ARRB1: variants seen among roughly 807,000 people sequenced by gnomAD.
ARRB1 encodes the protein arrestin beta 1.
In ARRB1, 21 loss-of-function variants were observed where a neutral mutation model predicts 56.8. The ratio of observed to expected loss-of-function variants is 0.37; its 90% CI spans 0.26 to 0.53. ARRB1 has a LOEUF of 0.53. Among genes scored for constraint, ARRB1 ranks in the 20% least tolerant of loss-of-function variants. The pLI is 0.88. For synonymous variants in ARRB1, 210 were observed against 218.6 expected (o/e 0.96, Z 0.35); for missense variants, 424 against 553.7 (o/e 0.77, Z 2.35).
intron 3 of ARRB1, among the ~76,000 whole-genome samples, chr11:75,284,969 T>A (rs933956975): frequency 3.3e-5 from 5 of 152,212 alleles, no homozygotes; most frequent in Non-Finnish European, 7.3e-5. Flanking sequence ...TAATGACCTC[T>A]GCAAGATCTG....
At chr11:75,276,736 T>TG in intron 10 of ARRB1, 103 bp downstream of exon 10, 1 of 1,138,566 alleles carries the variant, frequency 8.8e-7, no homozygotes, top group Non-Finnish European at 1.3e-6. Flanking sequence ...CCCAGCCCTC[T>TG]GCCAGGTGGA....
intron 1 of ARRB1, among the ~76,000 whole-genome samples, chr11:75,343,532 TAC>T (rs1947720642): frequency 6.6e-6 from 1 of 152,130 alleles, no homozygotes; most frequent in Non-Finnish European, 1.5e-5. Flanking sequence ...TGCTTTATCT[TAC>T]TTAATTTTAA....
chr11:75,317,027 C>T (rs1299876627), intron 1 of ARRB1, among the ~76,000 whole-genome samples: 1 of 152,186 alleles, frequency 6.6e-6, no homozygotes, highest in Non-Finnish European at 1.5e-5. Context: ...GATCGAGCTA[C>T]TACTGCCCTC....
At chr11:75,273,049 G>C in intron 11 of ARRB1, 71 bp from the exon 12 acceptor site, 16 of 1,368,564 alleles carry the variant, frequency 1.2e-5, no homozygotes, top group Non-Finnish European at 1.7e-5. Flanking sequence ...GGGTGGGTAT[G>C]CTGGGGGGCA....
At chr11:75,303,714 T>C (rs1591951272) in intron 1 of ARRB1, 1 of 455,650 alleles carries the variant, frequency 2.2e-6, no homozygotes, top group African/African-American at 2.0e-5. Flanking sequence ...AGTGGGAGGG[T>C]GGGAGGAGGT....
At chr11:75,307,324 G>C (rs1285282465) in intron 1 of ARRB1, among the ~76,000 whole-genome samples, 4 of 152,192 alleles carry the variant, frequency 2.6e-5, no homozygotes, top group Non-Finnish European at 5.9e-5. Context: ...CATCAGACAG[G>C]GGTCCTTCCT....
At chr11:75,302,021 A>G (rs1946916497) in intron 1 of ARRB1, among the ~76,000 whole-genome samples, 1 of 152,224 alleles carries the variant, frequency 6.6e-6, no homozygotes, top group African/African-American at 2.4e-5. Context: ...GTCTCACACC[A>G]GGGCCAGGAA....
At chr11:75,292,352 CT>C (rs1946631080) in intron 1 of ARRB1, among the ~76,000 whole-genome samples, 1 of 152,118 alleles carries the variant, frequency 6.6e-6, no homozygotes, top group African/African-American at 2.4e-5. Flanking sequence ...GTTGGCCAGG[CT>C]GGTCTCAAAC....
At chr11:75,295,535 T>G (rs77304639) in intron 1 of ARRB1, among the ~76,000 whole-genome samples, 2 of 152,306 alleles carry the variant, frequency 1.3e-5, no homozygotes, top group Admixed American at 1.3e-4. Flanking sequence ...CCTGGGACTA[T>G]GTTGAACCCA....
At chr11:75,318,875 A>G (rs1947303780) in intron 1 of ARRB1, among the ~76,000 whole-genome samples, 1 of 152,170 alleles carries the variant, frequency 6.6e-6, no homozygotes, top group South Asian at 2.1e-4. Context: ...TTCAAACAAT[A>G]GTCAGGCCCT....
chr11:75,282,006 G>T lies in ARRB1; in HGVS notation c.370C>A (p.Pro124Thr). 1 of 1,614,126 alleles carries T rather than the reference G, an allele frequency of 6.2e-7. No homozygotes were observed. Among genetic ancestry groups the T allele is most frequent in the Non-Finnish European group, 8.5e-7 (1 of 1,180,018 alleles). ...PFTFEIPPNLPCSVTLQPGPE... is the reference protein window; with the variant it reads ...PFTFEIPPNLTCSVTLQPGPE... ...CCCGGCTGCAGTGTCACAGAACATGGAAGGTTTGGAGGGATCTGTCAAGAA... is the reference window on the plus strand; with the variant it reads ...CCCGGCTGCAGTGTCACAGAACATGTAAGGTTTGGAGGGATCTGTCAAGAA... The change falls in exon 6 of 16, where the codon CCA becomes ACA. Residue 124 changes from proline to threonine, a missense_variant. Pro to Thr is a conservative substitution (Grantham distance 38). Coordinates refer to ENST00000420843, the MANE Select transcript of ARRB1 (RefSeq NM_004041.5).
chr11:75,318,430 C>T (rs7107762), intron 1 of ARRB1, among the ~76,000 whole-genome samples: 1 of 152,018 alleles, frequency 6.6e-6, no homozygotes, highest in East Asian at 1.9e-4. Flanking sequence ...TGGCTCATGC[C>T]GATAATCCCA....
At chr11:75,281,288 G>A (rs553374776) in intron 6 of ARRB1, 146 bp from the exon 7 acceptor site, 17 of 779,790 alleles carry the variant, frequency 2.2e-5, no homozygotes, top group African/African-American at 3.4e-5. Flanking sequence ...TGGAAGAAGC[G>A]GGGGAACGCC....
intron 1 of ARRB1, among the ~76,000 whole-genome samples, chr11:75,315,001 G>A (rs1947241049): frequency 6.6e-6 from 1 of 151,250 alleles, no homozygotes; most frequent in South Asian, 2.1e-4. Context: ...TCTTTCCATT[G>A]AGAGAGCAGG....
intron 1 of ARRB1, among the ~76,000 whole-genome samples, chr11:75,329,425 CCTT>C (rs1947486795): frequency 6.6e-6 from 1 of 152,106 alleles, no homozygotes; most frequent in Non-Finnish European, 1.5e-5. Flanking sequence ...TTGAGCCAAA[CCTT>C]CTCTGAGCCA....
chr11:75,266,318 G>A, intron 15 of ARRB1, 44 bp from the exon 16 acceptor site: 1 of 1,529,642 alleles, frequency 6.5e-7, no homozygotes, highest in Non-Finnish European at 9.1e-7. Context: ...TGCAGGGGCA[G>A]GGAGAGTAGG....
chr11:75,272,010 T>C (rs1257642043), intron 12 of ARRB1, among the ~76,000 whole-genome samples: 1 of 152,216 alleles, frequency 6.6e-6, no homozygotes, highest in Non-Finnish European at 1.5e-5. Context: ...CAGTGCTGCC[T>C]GTCCCAAGGG....
In ARRB1 at chr11:75,266,337, GA is replaced by G. The variant is rs1445090881; in HGVS notation, c.1146-64del. On this transcript the variant is annotated intron_variant, in intron 15 of 15. Transcript: ENST00000420843. Reference sequence around the variant, plus strand: ...GGGGCAGGGAGAGTAGGCTTATCCAGAGGCCCGGCCAGATGTGACTCAGAGT... The same window carrying G: ...GGGGCAGGGAGAGTAGGCTTATCCAGGGCCCGGCCAGATGTGACTCAGAGT... The G allele has an allele frequency of 2.2e-6, 3 of 1,371,842 alleles. No individual in the cohort carries two copies. In the African/African-American group the frequency reaches 4.3e-5, roughly 20 times the overall value. The allele number at this position is 1,371,842 out of a possible 1,614,324, so 85.0% of individuals were successfully genotyped here.
intron 1 of ARRB1, among the ~76,000 whole-genome samples, chr11:75,336,611 G>A (rs550487528): frequency 1.3e-5 from 2 of 152,160 alleles, no homozygotes; most frequent in Non-Finnish European, 2.9e-5. Context: ...CCTGAGATGC[G>A]AGACTGAGAC....
Sources: gnomAD v4.1 joint callset for allele counts (sites outside exome capture counted in the v4.1 genomes callset) on GRCh38, gnomAD v4.1.1 for gene constraint, MANE v1.5 for transcripts, NCBI Gene and HGNC (gene_info 2026-07-23, HGNC 2026-07-21) for gene names.